The following MAP3K4 variants were observed in gnomAD, a reference collection of about 807,000 sequenced individuals.
MAP3K4 encodes the protein mitogen-activated protein kinase kinase kinase 4.
MAP3K4 carries 67 observed loss-of-function variants against 185.6 expected under a neutral mutation model. The observed-to-expected ratio is 0.36, with a 90% CI of 0.30 to 0.44. The LOEUF (loss-of-function observed/expected upper bound fraction) is 0.44. MAP3K4 is among the 20% of genes least tolerant of loss of function. The pLI, the probability that MAP3K4 is intolerant of heterozygous loss-of-function variation, is 1.00. For synonymous variants in MAP3K4, 702 were observed against 710.4 expected (o/e 0.99, Z 0.19); for missense variants, 1,551 against 1,995.1 (o/e 0.78, Z 4.24).
chr6:160,994,199 A>G (rs912869914), intron 1 of MAP3K4, among the ~76,000 whole-genome samples: 4 of 149,846 alleles, frequency 2.7e-5, no homozygotes, highest in African/African-American at 9.9e-5. Flanking sequence ...GGTTACATGG[A>G]TAAGTTCTGT....
Position 161,106,460 on chromosome 6 carries a change from A to G in MAP3K4, c.3857-54A>G. ...CTATTTTTATTGGTTTGTCTTTTGG[A>G]AACTGACTTGATAACAGTGATTGGG... On this transcript the variant is annotated intron_variant, in intron 19 of 26. Transcript: ENST00000392142. The surrounding 1 kb of genome is among the most constrained non-coding windows in gnomAD (Gnocchi z 4.9). 1 of 1,371,046 alleles carries G rather than the reference A, an allele frequency of 7.3e-7. No homozygotes were observed. Among genetic ancestry groups the G allele is most frequent in the East Asian group, 2.3e-5 (1 of 43,328 alleles). 84.9% of individuals were successfully genotyped at this position (1,371,046 alleles called of 1,614,324 possible).
chr6:161,027,451 A>C (rs1782727628), intron 1 of MAP3K4, among the ~76,000 whole-genome samples: 1 of 152,228 alleles, frequency 6.6e-6, no homozygotes, highest in Non-Finnish European at 1.5e-5. Context: ...AATTGCCTTC[A>C]AATTAGGTGT....
At position 161,115,017 on chromosome 6, in the gene MAP3K4, C is replaced by G. The variant is rs2114927229; in HGVS notation, c.4627-106C>G. On this transcript the variant is annotated intron_variant, in intron 25 of 26. Transcript: ENST00000392142. This position sits in a 1 kb window ranked among gnomAD's most constrained non-coding sequence, Gnocchi z 6.0. ...GGCCCTTTCAGTAAAAATTTGCTGTCCCCTGATATATATTAATGATGAGAT... is the reference window on the plus strand; with the variant it reads ...GGCCCTTTCAGTAAAAATTTGCTGTGCCCTGATATATATTAATGATGAGAT... The G allele has an allele frequency of 2.0e-6, 2 of 1,002,394 alleles. No homozygotes were observed. The highest frequency in any genetic ancestry group is 2.5e-5 in the East Asian group (1 of 40,730). The allele number at this position is 1,002,394 out of a possible 1,614,324, so 62.1% of individuals were successfully genotyped here. A position where few individuals can be genotyped will look rare whatever the true frequency, so the allele number is the denominator to read the frequency against.
Position 161,107,059 on chromosome 6 carries a change from C to T in MAP3K4, c.4048+354C>T, listed in dbSNP as rs956460311. Among the ~76,000 whole-genome samples the T allele has an allele frequency of 5.5e-4, 83 of 151,756 alleles. No individual in the cohort carries two copies. The highest frequency in any genetic ancestry group is 1.1e-3 in the Non-Finnish European group (77 of 67,936). On this transcript the variant is annotated intron_variant, in intron 20 of 26. Transcript: ENST00000392142. The surrounding 1 kb of genome is among the most constrained non-coding windows in gnomAD (Gnocchi z 6.2). Reference sequence around the variant, plus strand: ...CTCTACACACGCGCGCGCACACACACACACACACACACACACACACGCAGA... The same window carrying T: ...CTCTACACACGCGCGCGCACACACATACACACACACACACACACACGCAGA...
rs536995306 is a variant in MAP3K4 at position 161,114,816 on chromosome 6, A to T, written c.4627-307A>T. ...ATGGCTTCTAGATACTGTTGGACTA[A>T]ATAGTGCACCCCAAATGGAGTAGGC... is the stretch of plus-strand genomic sequence containing the variant. On this transcript the variant is annotated intron_variant, in intron 25 of 26. Coordinates refer to ENST00000392142, the MANE Select transcript of MAP3K4 (RefSeq NM_005922.4). The surrounding 1 kb of genome is among the most constrained non-coding windows in gnomAD (Gnocchi z 4.3). Among the ~76,000 whole-genome samples, 16 of 152,266 alleles carry T rather than the reference A, an allele frequency of 1.1e-4. No individual in the cohort carries two copies. The highest frequency in any genetic ancestry group is 3.9e-4 in the African/African-American group (16 of 41,550).
chr6:160,992,012 ACCG>A lies in MAP3K4; in HGVS notation c.93_95del (p.Pro36del), dbSNP rs569609736. ...CCGCCGCCATGGAGGAGCCGCCGCC[ACCG>A]CCGCCGCCGCCACCACCGCCACCGG... On this transcript the variant is annotated inframe_deletion, in exon 1 of 27. Coordinates refer to ENST00000392142, the MANE Select transcript of MAP3K4 (RefSeq NM_005922.4). 3.7e-5 allele frequency: 57 copies of A among 1,538,548 alleles called. No individual in the cohort carries two copies. The highest frequency in any genetic ancestry group is 2.3e-4 in the East Asian group (9 of 39,838).
chr6:161,000,971 CAT>C (rs572695084), intron 1 of MAP3K4, among the ~76,000 whole-genome samples: 1 of 134,618 alleles, frequency 7.4e-6, no homozygotes, highest in East Asian at 2.0e-4. Context: ...ATAATATACA[CAT>C]ATGTATATAA....
chr6:161,070,286 A>G lies in MAP3K4; in HGVS notation c.1708-322A>G, dbSNP rs752041572. On this transcript the variant is annotated intron_variant, in intron 3 of 26. Coordinates refer to ENST00000392142, the MANE Select transcript of MAP3K4 (RefSeq NM_005922.4). The surrounding 1 kb of genome is among the most constrained non-coding windows in gnomAD (Gnocchi z 4.5). ...TAGTACTGTATATAACCTGAAAAAT[A>G]AAGTGTTCTGATCATTTTAAGTGTG... Among the ~76,000 whole-genome samples the G allele has an allele frequency of 6.6e-5, 10 of 152,174 alleles. No individual in the cohort carries two copies. Among genetic ancestry groups the G allele is most frequent in the South Asian group, 2.1e-4 (1 of 4,828 alleles).
At chr6:161,035,354 C>T (rs563925914) in intron 2 of MAP3K4, among the ~76,000 whole-genome samples, 1 of 152,174 alleles carries the variant, frequency 6.6e-6, no homozygotes, top group African/African-American at 2.4e-5. Context: ...CATTCTTCCT[C>T]TTTGTTCTGC....
chr6:161,112,795 T>C lies in MAP3K4; in HGVS notation c.4626+21T>C. ...GCAAGGTAAGCGGAGCCCCCACACCTGGCGGAGCAACTTCAGAAGGGCACT... is the reference window on the plus strand; with the variant it reads ...GCAAGGTAAGCGGAGCCCCCACACCCGGCGGAGCAACTTCAGAAGGGCACT... On this transcript the variant is annotated intron_variant, in intron 25 of 26. Coordinates refer to ENST00000392142, the MANE Select transcript of MAP3K4 (RefSeq NM_005922.4). This position sits in a 1 kb window ranked among gnomAD's most constrained non-coding sequence, Gnocchi z 5.1. 6.6e-7 allele frequency: 1 copy of C among 1,525,658 alleles called. No homozygotes were observed. Among genetic ancestry groups the C allele is most frequent in the South Asian group, 1.3e-5 (1 of 76,732 alleles). 94.5% of individuals were successfully genotyped at this position (1,525,658 alleles called of 1,614,324 possible).
intron 3 of MAP3K4, among the ~76,000 whole-genome samples, chr6:161,058,048 C>A (rs1784319721): frequency 1.3e-5 from 2 of 152,198 alleles, no homozygotes; most frequent in African/African-American, 4.8e-5. Flanking sequence ...ATTAACTGAA[C>A]ACTCGCTACA....
chr6:161,032,872 G>T (rs1782994802), intron 1 of MAP3K4, among the ~76,000 whole-genome samples: 1 of 150,748 alleles, frequency 6.6e-6, no homozygotes, highest in Admixed American at 6.6e-5. Flanking sequence ...CGCATGTCTT[G>T]TGTGTACACA....
At chr6:161,025,878 G>A (rs1352598941) in intron 1 of MAP3K4, among the ~76,000 whole-genome samples, 1 of 152,110 alleles carries the variant, frequency 6.6e-6, no homozygotes, top group African/African-American at 2.4e-5. Context: ...AGCTTTGACA[G>A]TTTTTTATCT....
In MAP3K4 at chr6:161,022,825, TA is replaced by T. The variant is rs2115119360; in HGVS notation, c.153-11432del. Reference sequence around the variant, plus strand: ...AGGATCCTTCCCTAAAATGGTTCTATAAGGTTCTGGTAAAGATGAAATGAGA... The same window carrying T: ...AGGATCCTTCCCTAAAATGGTTCTATAGGTTCTGGTAAAGATGAAATGAGA... On this transcript the variant is annotated intron_variant, in intron 1 of 26. Coordinates refer to ENST00000392142, the MANE Select transcript of MAP3K4 (RefSeq NM_005922.4). This position sits in a 1 kb window ranked among gnomAD's most constrained non-coding sequence, Gnocchi z 4.2. Among the ~76,000 whole-genome samples, 1 of 152,272 alleles carries T rather than the reference TA, an allele frequency of 6.6e-6. No individual in the cohort carries two copies. Among genetic ancestry groups the T allele is most frequent in the African/African-American group, 2.4e-5 (1 of 41,548 alleles).
chr6:161,117,020 CCT>C lies in MAP3K4; in HGVS notation c.*151_*152del, dbSNP rs1420031263. The C allele has an allele frequency of 1.4e-6, 1 of 719,546 alleles. No homozygotes were observed. Among genetic ancestry groups the C allele is most frequent in the East Asian group, 2.6e-5 (1 of 37,812 alleles). The allele number at this position is 719,546 out of a possible 1,614,324, so 44.6% of individuals were successfully genotyped here. A position where few individuals can be genotyped will look rare whatever the true frequency, so the allele number is the denominator to read the frequency against. On this transcript the variant is annotated 3_prime_UTR_variant, in exon 27 of 27. Coordinates refer to ENST00000392142, the MANE Select transcript of MAP3K4 (RefSeq NM_005922.4). ...GACAAGCGTCACTTCTCCTGCTGCT[CCT>C]GTTTGTCTGATGTGGCAAAAGGCCC... is the stretch of plus-strand genomic sequence containing the variant.
At chr6:160,993,281 C>T (rs542481430) in intron 1 of MAP3K4, among the ~76,000 whole-genome samples, 15 of 152,210 alleles carry the variant, frequency 9.9e-5, no homozygotes, top group African/African-American at 3.6e-4. Flanking sequence ...CTTTTGAATA[C>T]ATCTAGTATT....
At position 161,115,255 on chromosome 6, in the gene MAP3K4, A is replaced by G. The variant is rs1449728510; in HGVS notation, c.4759A>G (p.Lys1587Glu). Residue 1587 changes from lysine to glutamate, a missense_variant, in exon 26 of 27, where the codon AAG becomes GAG. Lys to Glu is a moderately conservative substitution (Grantham distance 56). Transcript: ENST00000392142. This position sits in a 1 kb window ranked among gnomAD's most constrained non-coding sequence, Gnocchi z 6.0. ...FLSHCLESDP[K>E]MRWTASQLLD... The stretch of plus-strand genomic sequence containing the variant: ...TTCTCACTGCCTTGAGAGTGACCCA[A>G]AGATGAGATGGACCGCCAGCCAGCT... 4.3e-6 allele frequency: 7 copies of G among 1,614,040 alleles called. No individual in the cohort carries two copies. Among genetic ancestry groups the G allele is most frequent in the Non-Finnish European group, 5.1e-6 (6 of 1,180,010 alleles).
rs772062603 is a variant in MAP3K4, at chr6:161,086,690, T to C, written c.2556+23T>C. 14 of 1,580,578 alleles carry C rather than the reference T, an allele frequency of 8.9e-6. No individual in the cohort carries two copies. The highest frequency in any genetic ancestry group is 4.1e-5 in the African/African-American group (3 of 73,532). On this transcript the variant is annotated intron_variant, in intron 9 of 26. Coordinates refer to ENST00000392142, the MANE Select transcript of MAP3K4 (RefSeq NM_005922.4). The surrounding 1 kb of genome is among the most constrained non-coding windows in gnomAD (Gnocchi z 4.8). ...AAGGTAAGTACTTCAAATGTTGTGA[T>C]TGAAACATTTTGCCTTTCCTTCTTT...
rs750135151 is a variant in MAP3K4, at chr6:161,063,216, A to G, written c.1708-7392A>G. ...TTCTATCACTGAGGTTTTTTTTCTA[A>G]TTCTAATTTTTGTCATTATTTTATA... On this transcript the variant is annotated intron_variant, in intron 3 of 26. Transcript: ENST00000392142. This position sits in a 1 kb window ranked among gnomAD's most constrained non-coding sequence, Gnocchi z 5.4. 1.1e-4 allele frequency among the ~76,000 whole-genome samples: 17 copies of G among 151,880 alleles called. No homozygotes were observed. Among genetic ancestry groups the G allele is most frequent in the Admixed American group, 2.6e-4 (4 of 15,252 alleles).
Sources: allele counts gnomAD v4.1 joint callset (sites outside exome capture counted in the v4.1 genomes callset), GRCh38; gene constraint gnomAD v4.1.1; non-coding constraint Gnocchi (gnomAD v3.1); transcripts MANE v1.5; gene names NCBI Gene and HGNC (gene_info 2026-07-23, HGNC 2026-07-21).